Variants in CHRM3 observed in about 807,000 individuals in gnomAD.
The protein encoded by CHRM3 is muscarinic acetylcholine receptor M3.
Under a neutral mutation model 41.8 loss-of-function variants are expected in CHRM3, and 11 were observed. The observed-to-expected ratio is 0.26, with a 90% CI of 0.17 to 0.44. The LOEUF (loss-of-function observed/expected upper bound fraction) is 0.44, where lower values mean the gene tolerates loss of function less well. CHRM3 is among the 20% of genes least tolerant of loss of function. The pLI, the probability that CHRM3 is intolerant of heterozygous loss-of-function variation, is 1.00. For synonymous variants in CHRM3, 297 were observed against 301.4 expected (o/e 0.99, Z 0.15); for missense variants, 571 against 745.4 (o/e 0.77, Z 2.72).
chr1:239,423,677 G>A (rs1212664312), intron 1 of CHRM3, among the ~76,000 whole-genome samples: 1 of 152,152 alleles, frequency 6.6e-6, no homozygotes, highest in African/African-American at 2.4e-5. Context: ...GCCTCAATCA[G>A]AGTGACTGGT....
chr1:239,550,490 G>A (rs529997453), intron 3 of CHRM3, among the ~76,000 whole-genome samples: 1 of 152,226 alleles, frequency 6.6e-6, no homozygotes, highest in South Asian at 2.1e-4. Context: ...AATGATTAAT[G>A]ATACATTTTA....
chr1:239,406,135 T>G (rs1398429407), intron 1 of CHRM3, among the ~76,000 whole-genome samples: 1 of 152,068 alleles, frequency 6.6e-6, no homozygotes, highest in East Asian at 1.9e-4. Context: ...CATGATCTAC[T>G]CGCCTAGGCC....
At chr1:239,502,644 C>T (rs1478872079) in intron 2 of CHRM3, among the ~76,000 whole-genome samples, 2 of 152,126 alleles carry the variant, frequency 1.3e-5, no homozygotes, top group Admixed American at 1.3e-4. Flanking sequence ...AAGAAAACTA[C>T]AGACCGATAA....
chr1:239,770,110 G>C (rs565619589), intron 5 of CHRM3, among the ~76,000 whole-genome samples: 1 of 152,172 alleles, frequency 6.6e-6, no homozygotes, highest in South Asian at 2.1e-4. Context: ...GTTGAACACT[G>C]ACTGTGGAAA....
intron 4 of CHRM3, among the ~76,000 whole-genome samples, chr1:239,665,678 G>A (rs1673718157): frequency 6.6e-6 from 1 of 151,786 alleles, no homozygotes; most frequent in Admixed American, 6.6e-5. Context: ...CTAGCCCCTT[G>A]CCCCCCGACT....
At chr1:239,602,064 A>G (rs1665615872) in intron 3 of CHRM3, among the ~76,000 whole-genome samples, 1 of 147,822 alleles carries the variant, frequency 6.8e-6, no homozygotes, top group Non-Finnish European at 1.5e-5. Flanking sequence ...ACATATATGC[A>G]CACATATGTA....
chr1:239,892,116 A>G (rs13374435), intron 6 of CHRM3, among the ~76,000 whole-genome samples: 5,158 of 152,290 alleles, frequency 0.034, 243 homozygotes, highest in African/African-American at 0.097. Context: ...ATAAGGATTC[A>G]CACTGTTTTG....
intron 2 of CHRM3, among the ~76,000 whole-genome samples, chr1:239,502,161 A>C (rs887395165): frequency 1.3e-5 from 2 of 152,230 alleles, no homozygotes; most frequent in East Asian, 3.9e-4. Context: ...CTTTGAAAAG[A>C]TAAATAAAAT....
At chr1:239,680,075 A>C (rs1028794274) in intron 5 of CHRM3, among the ~76,000 whole-genome samples, 2 of 152,056 alleles carry the variant, frequency 1.3e-5, no homozygotes, top group Non-Finnish European at 2.9e-5. Context: ...TCTTTGTGTA[A>C]AAACATCTCC....
chr1:239,513,480 T>A (rs897698356), intron 2 of CHRM3, among the ~76,000 whole-genome samples: 1 of 152,214 alleles, frequency 6.6e-6, no homozygotes, highest in Admixed American at 6.5e-5. Flanking sequence ...GTTATTTATT[T>A]TCTTATAGTT....
intron 4 of CHRM3, among the ~76,000 whole-genome samples, chr1:239,642,605 T>G (rs1424874754): frequency 7.9e-5 from 12 of 152,334 alleles, no homozygotes; most frequent in East Asian, 5.8e-4. Context: ...GAGCCTTGGC[T>G]TTCAGCTCCA....
At chr1:239,599,145 G>T (rs990669514) in intron 3 of CHRM3, among the ~76,000 whole-genome samples, 2 of 152,070 alleles carry the variant, frequency 1.3e-5, no homozygotes, top group African/African-American at 4.8e-5. Context: ...CGACTTCTTT[G>T]TCTCTTATTT....
At chr1:239,618,906 G>GATTT (rs111618138) in intron 3 of CHRM3, among the ~76,000 whole-genome samples, 10 of 142,202 alleles carry the variant, frequency 7.0e-5, no homozygotes, top group Non-Finnish European at 1.2e-4. Flanking sequence ...TCTTTTTTAT[G>GATTT]ATTTATTTAT....
Position 239,907,803 on chromosome 1 carries a change from G to A in CHRM3, c.352G>A (p.Gly118Arg), listed in dbSNP as rs1680093659. 1 of 1,614,138 alleles carries A rather than the reference G, an allele frequency of 6.2e-7. No homozygotes were observed. The highest frequency in any genetic ancestry group is 8.5e-7 in the Non-Finnish European group (1 of 1,180,038). The change falls in exon 7 of 7, where the codon GGG becomes AGG. Residue 118 changes from glycine (G) to arginine (R), a missense_variant. Gly to Arg is a moderately radical substitution (Grantham distance 125). This residue lies in a region of CHRM3 where 153 missense variants were observed against 296.3 expected (regional missense o/e 0.52). Coordinates refer to ENST00000676153, the MANE Select transcript of CHRM3 (RefSeq NM_001375978.1). The surrounding 1 kb of genome is among the most constrained non-coding windows in gnomAD (Gnocchi z 5.4). Reference protein sequence around the residue: ...LSLACADLIIGVISMNLFTTY... With the variant: ...LSLACADLIIRVISMNLFTTY... ...CCTGGCCTGTGCCGATCTGATTATC[G>A]GGGTCATTTCAATGAATCTGTTTAC...
chr1:239,899,045 T>C lies in CHRM3; in HGVS notation c.-19-8388T>C, dbSNP rs909773024. ...TAAATATTAATAAAAGATGTCAAAATATCCACTGCAGTGGCTTTCCAACAT... is the reference window on the plus strand; with the variant it reads ...TAAATATTAATAAAAGATGTCAAAACATCCACTGCAGTGGCTTTCCAACAT... On this transcript the variant is annotated intron_variant, in intron 6 of 6. Coordinates refer to ENST00000676153, the MANE Select transcript of CHRM3 (RefSeq NM_001375978.1). 2.6e-5 allele frequency among the ~76,000 whole-genome samples: 4 copies of C among 152,178 alleles called. No individual in the cohort carries two copies. The South Asian group carries it at 6.2e-4, about 24-fold the overall frequency.
At chr1:239,419,627 C>G (rs1661777845) in intron 1 of CHRM3, among the ~76,000 whole-genome samples, 1 of 152,302 alleles carries the variant, frequency 6.6e-6, no homozygotes, top group Non-Finnish European at 1.5e-5. Flanking sequence ...ATGAGCAAAG[C>G]TCTCAGACTT....
chr1:239,695,456 T>TA (rs1660097677), intron 5 of CHRM3, among the ~76,000 whole-genome samples: 1 of 152,170 alleles, frequency 6.6e-6, no homozygotes, highest in South Asian at 2.1e-4. Flanking sequence ...TGTTGGCACA[T>TA]TGATATTACT....
chr1:239,637,612 G>C (rs556622362), intron 4 of CHRM3, among the ~76,000 whole-genome samples: 7 of 127,328 alleles, frequency 5.5e-5, no homozygotes, highest in Admixed American at 9.8e-5. Context: ...GAAAGCCTTT[G>C]CTCTTCACTC....
intron 4 of CHRM3, among the ~76,000 whole-genome samples, chr1:239,663,148 G>C (rs937052529): frequency 1.2e-4 from 18 of 152,072 alleles, no homozygotes; most frequent in African/African-American, 3.9e-4. Context: ...GGGCTGAGGA[G>C]GTGCCTCTGT....
Sources: gnomAD v4.1 joint callset for allele counts (sites outside exome capture counted in the v4.1 genomes callset) on GRCh38, gnomAD v4.1.1 for gene constraint, gnomAD v4.1.1 regional missense constraint, Gnocchi (gnomAD v3.1) non-coding constraint, MANE v1.5 for transcripts, NCBI Gene and HGNC (gene_info 2026-07-23, HGNC 2026-07-21) for gene names.